ZFHX3: variants seen among roughly 807,000 people sequenced by gnomAD.
ZFHX3 encodes zinc finger homeobox protein 3.
In ZFHX3, 42 loss-of-function variants were observed where a neutral mutation model predicts 279.1. The ratio of observed to expected loss-of-function variants is 0.15; its 90% confidence interval spans 0.12 to 0.19. ZFHX3 has a LOEUF of 0.19. ZFHX3 is among the 10% of genes least tolerant of loss of function. The probability of loss-of-function intolerance (pLI) is 1.00; values close to 1 mark genes in which losing one functional copy is unlikely to be tolerated. For missense variants in ZFHX3, 4,981 were observed against 4,754.0 expected (o/e 1.05, Z -1.40); for synonymous variants, 2,293 against 1,957.8 (o/e 1.17, Z -4.52).
At chr16:72,800,268 G>C (rs2036055463) in intron 7 of ZFHX3, 139 bp from the exon 8 acceptor site, 2 of 668,190 alleles carry the variant, frequency 3.0e-6, no homozygotes, top group East Asian at 5.5e-5. Flanking sequence ...GCTCACTGAA[G>C]ATTCATGTTT....
At chr16:73,297,058 T>C (rs1006022005) in intron 4 of ZFHX3, among the ~76,000 whole-genome samples, 12 of 151,526 alleles carry the variant, frequency 7.9e-5, no homozygotes, top group African/African-American at 2.9e-4. Context: ...TTTGTATTTT[T>C]AGTAGAGACA....
intron 1 of ZFHX3, among the ~76,000 whole-genome samples, chr16:73,871,178 C>G (rs577429648): frequency 1.3e-5 from 2 of 152,140 alleles, no homozygotes; most frequent in African/African-American, 2.4e-5. Context: ...ACATGGTGCT[C>G]AATTACACTG....
intron 1 of ZFHX3, among the ~76,000 whole-genome samples, chr16:73,057,972 G>A (rs1965597809): frequency 6.8e-6 from 1 of 147,920 alleles, no homozygotes; most frequent in South Asian, 2.1e-4. Context: ...CTCGGGGTGG[G>A]GCAAAGTTGG....
intron 3 of ZFHX3, among the ~76,000 whole-genome samples, chr16:73,351,050 T>A (rs1284501287): frequency 6.6e-6 from 1 of 152,148 alleles, no homozygotes; most frequent in African/African-American, 2.4e-5. Flanking sequence ...ACTGGTGGCA[T>A]TTGGCGTTAA....
intron 2 of ZFHX3, among the ~76,000 whole-genome samples, chr16:73,576,413 A>C (rs1284784668): frequency 6.6e-6 from 1 of 152,246 alleles, no homozygotes; most frequent in African/African-American, 2.4e-5. Context: ...ACACGTATGC[A>C]TCACCAAAGG....
chr16:73,325,600 G>T (rs915077079), intron 3 of ZFHX3, among the ~76,000 whole-genome samples: 1 of 152,160 alleles, frequency 6.6e-6, no homozygotes, highest in African/African-American at 2.4e-5. Context: ...AAGTAGAGGA[G>T]AATGGGTATT....
chr16:73,379,844 T>C (rs12921190), intron 3 of ZFHX3, among the ~76,000 whole-genome samples: 44,965 of 152,108 alleles, frequency 0.3, 7,909 homozygotes, highest in East Asian at 0.6. Flanking sequence ...AGGATGGAAA[T>C]TGCAGAGTGT....
chr16:72,981,406 GA>G (rs1309760253), intron 1 of ZFHX3, among the ~76,000 whole-genome samples: 1 of 152,180 alleles, frequency 6.6e-6, no homozygotes, highest in East Asian at 1.9e-4. Context: ...TGATTAAGAA[GA>G]ATATACATCC....
chr16:73,330,387 C>T (rs375247091), intron 3 of ZFHX3, among the ~76,000 whole-genome samples: 5 of 152,120 alleles, frequency 3.3e-5, no homozygotes, highest in South Asian at 2.1e-4. Flanking sequence ...ATTGATTACA[C>T]GTGTGGTTTA....
chr16:73,785,218 A>T (rs1412540274), intron 1 of ZFHX3, among the ~76,000 whole-genome samples: 2 of 152,206 alleles, frequency 1.3e-5, no homozygotes, highest in African/African-American at 2.4e-5. Flanking sequence ...CAAATAAGCC[A>T]TGTGGTTTAT....
intron 1 of ZFHX3, among the ~76,000 whole-genome samples, chr16:73,797,206 A>AC (rs1960019813): frequency 9.1e-6 from 1 of 109,958 alleles, no homozygotes; most frequent in African/African-American, 6.2e-5. Flanking sequence ...TCTATCTCAA[A>AC]AAAACAAACA....
chr16:73,046,489 T>C (rs1054210396), intron 1 of ZFHX3, among the ~76,000 whole-genome samples: 4 of 152,088 alleles, frequency 2.6e-5, no homozygotes, highest in Admixed American at 2.6e-4. Context: ...ACTCGTGATT[T>C]TCAGGGTTTC....
At chr16:73,686,358 T>A (rs1224802314) in intron 1 of ZFHX3, among the ~76,000 whole-genome samples, 1 of 152,176 alleles carries the variant, frequency 6.6e-6, no homozygotes, top group African/African-American at 2.4e-5. Flanking sequence ...CCTCCCAAAG[T>A]GCTGGGATAA....
At chr16:73,503,292 G>A (rs546409974) in intron 2 of ZFHX3, among the ~76,000 whole-genome samples, 1 of 152,300 alleles carries the variant, frequency 6.6e-6, no homozygotes, top group Admixed American at 6.5e-5. Flanking sequence ...AATAGCATTT[G>A]CAGCCCAGGG....
chr16:72,830,025 GTCTGGGTAAGCAGTGGGGACTTTCCT>G (rs2037026869), intron 4 of ZFHX3, among the ~76,000 whole-genome samples, 166 bp from the exon 5 acceptor site: 2 of 152,188 alleles, frequency 1.3e-5, no homozygotes, highest in Non-Finnish European at 2.9e-5. Flanking sequence ...ATATACTGAG[GTCTGGGTAAGCAGTGGGGACTTTCCT>G]TCTGGGTAAA....
chr16:73,574,351 C>G (rs546481820), intron 2 of ZFHX3, among the ~76,000 whole-genome samples: 3 of 152,090 alleles, frequency 2.0e-5, no homozygotes, highest in African/African-American at 4.8e-5. Flanking sequence ...TTGGGCCCCC[C>G]CCAGCATCCA....
intron 1 of ZFHX3, among the ~76,000 whole-genome samples, chr16:72,988,115 C>G (rs1397964756): frequency 6.6e-6 from 1 of 152,178 alleles, no homozygotes; most frequent in Non-Finnish European, 1.5e-5. Context: ...GAAACCCGCC[C>G]AACAGGGCCA....
intron 5 of ZFHX3, among the ~76,000 whole-genome samples, chr16:73,181,115 G>C (rs1967785054): frequency 6.6e-6 from 1 of 150,692 alleles, no homozygotes; most frequent in Non-Finnish European, 1.5e-5. Context: ...GTTTTGTTTT[G>C]TTTTGAGATG....
chr16:73,006,569 G>A (rs1315859666), intron 1 of ZFHX3, among the ~76,000 whole-genome samples: 2 of 151,780 alleles, frequency 1.3e-5, no homozygotes, highest in Non-Finnish European at 2.9e-5. Flanking sequence ...AATGAGCCAT[G>A]ATTGCACCAC....
Sources: allele counts gnomAD v4.1 joint callset (sites outside exome capture counted in the v4.1 genomes callset), GRCh38; gene constraint gnomAD v4.1.1; transcripts MANE v1.5; gene names NCBI Gene and HGNC (gene_info 2026-07-23, HGNC 2026-07-21).